Variants in KCNAB2 observed in about 807,000 individuals in gnomAD.
The protein encoded by KCNAB2 is potassium voltage-gated channel subfamily A regulatory beta subunit 2, also known as voltage-gated potassium channel subunit beta-2.
Under a neutral mutation model 63.6 loss-of-function variants are expected in KCNAB2, and 29 were observed. That is an observed-to-expected ratio of 0.46 (90% CI 0.34 to 0.62). The LOEUF is 0.62. Ranked by LOEUF, KCNAB2 falls within the 20% of genes least tolerant of loss-of-function variation. The pLI is 0.01. For missense variants in KCNAB2, 359 were observed against 563.9 expected (o/e 0.64, Z 3.68); for synonymous variants, 222 against 224.2 (o/e 0.99, Z 0.09).
chr1:6,016,334 G>A lies in KCNAB2; in HGVS notation c.-53+23546G>A, dbSNP rs900808958. On this transcript the variant is annotated intron_variant, in intron 1 of 16. Transcript: ENST00000341524. ...GCTCAGGGAGGACCTCGCTCCTGGCGGGTCCTTTCCTGGGATGCACTGACG... is the reference window on the plus strand; with the variant it reads ...GCTCAGGGAGGACCTCGCTCCTGGCAGGTCCTTTCCTGGGATGCACTGACG... 1.3e-5 allele frequency among the ~76,000 whole-genome samples: 2 copies of A among 152,186 alleles called. 1 individual carries two copies. Among genetic ancestry groups the A allele is most frequent in the South Asian group, 4.1e-4 (2 of 4,828 alleles).
intron 1 of KCNAB2, among the ~76,000 whole-genome samples, chr1:5,999,700 C>G (rs918219154): frequency 1.3e-5 from 2 of 152,066 alleles, no homozygotes; most frequent in Admixed American, 6.5e-5. Flanking sequence ...TTGCCCACGG[C>G]AGAGGAGGCC....
intron 4 of KCNAB2, among the ~76,000 whole-genome samples, chr1:6,079,077 A>T (rs1663965800): frequency 6.6e-6 from 1 of 152,112 alleles, no homozygotes; most frequent in Non-Finnish European, 1.5e-5. Context: ...TGATGGGAGG[A>T]TTAGTCAAGG....
intron 1 of KCNAB2, among the ~76,000 whole-genome samples, chr1:6,001,327 C>CACACAA (rs1657247710): frequency 1.3e-5 from 2 of 151,526 alleles, no homozygotes; most frequent in East Asian, 3.9e-4. Context: ...CACACACACA[C>CACACAA]ACACTCTCCC....
chr1:6,072,560 C>T (rs537721877), intron 2 of KCNAB2, among the ~76,000 whole-genome samples, 195 bp from the exon 3 acceptor site: 26 of 152,240 alleles, frequency 1.7e-4, no homozygotes, highest in South Asian at 8.3e-4. Flanking sequence ...TGGTGTGGGC[C>T]GGGGGCAGTT....
rs113874822 is a variant in KCNAB2, at chr1:6,024,092, C to T, written c.-52-16425C>T. Among the ~76,000 whole-genome samples, 1,692 of 152,262 alleles carry T rather than the reference C, an allele frequency of 0.011. 38 individuals are homozygous for T. The highest frequency in any genetic ancestry group is 0.038 in the African/African-American group (1,572 of 41,530). ...GAGTAGCTGGGATTACAGGCGCCCA[C>T]CACCATGTCCAGCTAATTTTTGTAT... is the stretch of plus-strand genomic sequence containing the variant. On this transcript the variant is annotated intron_variant, in intron 1 of 16. Transcript: ENST00000341524. The surrounding 1 kb of genome is among the most constrained non-coding windows in gnomAD (Gnocchi z 5.4).
chr1:6,045,288 T>C (rs989812899), upstream of KCNAB2, among the ~76,000 whole-genome samples: 5 of 152,202 alleles, frequency 3.3e-5, no homozygotes, highest in Non-Finnish European at 5.9e-5. This position sits in a 1 kb window ranked among gnomAD's most constrained non-coding sequence, Gnocchi z 4.8. Context: ...CGGAAGATGA[T>C]GTCACGCTGG....
At chr1:6,020,854 T>G (rs1239044294) in intron 1 of KCNAB2, among the ~76,000 whole-genome samples, 1 of 152,062 alleles carries the variant, frequency 6.6e-6, no homozygotes, top group Non-Finnish European at 1.5e-5. Flanking sequence ...GAGATGGGGT[T>G]TCACCATGTT....
chr1:6,007,009 G>T (rs1014075445), intron 1 of KCNAB2, among the ~76,000 whole-genome samples: 3 of 152,186 alleles, frequency 2.0e-5, no homozygotes, highest in Non-Finnish European at 4.4e-5. Context: ...AAGCCCAGCA[G>T]CGGGCCCTGG....
At chr1:6,085,085 C>G (rs978569140) in intron 5 of KCNAB2, 119 bp from the exon 6 acceptor site, 7 of 1,039,502 alleles carry the variant, frequency 6.7e-6, no homozygotes, top group Admixed American at 1.7e-5. Flanking sequence ...TGTTAACAGC[C>G]TGGCTCTCTG....
intron 2 of KCNAB2, among the ~76,000 whole-genome samples, chr1:6,061,004 T>C (rs1322205423): frequency 7.3e-5 from 11 of 151,682 alleles, no homozygotes; most frequent in Non-Finnish European, 1.0e-4. Flanking sequence ...CCCCTTCCAC[T>C]GCGAGCCTGT....
intron 1 of KCNAB2, among the ~76,000 whole-genome samples, chr1:6,009,283 A>G (rs1470053737): frequency 6.6e-6 from 1 of 152,236 alleles, no homozygotes; most frequent in East Asian, 1.9e-4. Context: ...CCATGGGGGC[A>G]TCCACCTGTG....
chr1:6,040,660 C>G, intron 2 of KCNAB2: 2 of 1,554,376 alleles, frequency 1.3e-6, no homozygotes, highest in Non-Finnish European at 1.8e-6. Context: ...CCCCCTGCCC[C>G]CTCACCCAGG....
intron 1 of KCNAB2, chr1:6,018,587 A>G (rs966109804): frequency 6.6e-6 from 1 of 152,238 alleles, no homozygotes; most frequent in Non-Finnish European, 1.5e-5. Flanking sequence ...AGCTGGGACC[A>G]CAGGTATGCA....
intron 1 of KCNAB2, among the ~76,000 whole-genome samples, chr1:6,050,200 G>A (rs1165374210): frequency 1.3e-5 from 2 of 152,322 alleles, no homozygotes; most frequent in East Asian, 3.9e-4. Flanking sequence ...CAGAAGGTGG[G>A]GACAGTGCTG....
Position 6,096,521 on chromosome 1 carries a change from A to G in KCNAB2, c.949-115A>G, listed in dbSNP as rs1665652871. 3.0e-6 allele frequency: 4 copies of G among 1,350,752 alleles called. No homozygotes were observed. Among genetic ancestry groups the G allele is most frequent in the Non-Finnish European group, 4.0e-6 (4 of 1,006,136 alleles). The allele number at this position is 1,350,752 out of a possible 1,614,324, so 83.7% of individuals were successfully genotyped here. A position where few individuals can be genotyped will look rare whatever the true frequency, so the allele number is the denominator to read the frequency against. ...ACTGCCCTGGCTTCAAGATGAGAAGAGCCCCTATGAGGGAGAAGGGTCCAG... is the reference window on the plus strand; with the variant it reads ...ACTGCCCTGGCTTCAAGATGAGAAGGGCCCCTATGAGGGAGAAGGGTCCAG... On this transcript the variant is annotated intron_variant, in intron 13 of 15. Coordinates refer to ENST00000378083, the MANE Select transcript of KCNAB2 (RefSeq NM_001199862.2). This position sits in a 1 kb window ranked among gnomAD's most constrained non-coding sequence, Gnocchi z 5.9.
intron 2 of KCNAB2, among the ~76,000 whole-genome samples, 199 bp downstream of exon 2, chr1:6,051,953 A>T (rs1163757406): frequency 6.6e-6 from 1 of 152,112 alleles, no homozygotes; most frequent in Non-Finnish European, 1.5e-5. Flanking sequence ...AATACAAAAA[A>T]TAGCCAGGCA....
chr1:6,091,164 C>T (rs765799940), intron 9 of KCNAB2, 99 bp from the exon 10 acceptor site: 35 of 826,732 alleles, frequency 4.2e-5, no homozygotes, highest in Non-Finnish European at 6.4e-5. Context: ...GTGTTCTGCA[C>T]GGTGATTTGT....
chr1:6,082,435 A>C (rs1193147222), intron 5 of KCNAB2, among the ~76,000 whole-genome samples, 161 bp downstream of exon 5: 1 of 152,080 alleles, frequency 6.6e-6, no homozygotes, highest in Non-Finnish European at 1.5e-5. Context: ...TGCTATTTTC[A>C]TGGGGCTGGA....
chr1:6,000,320 C>A (rs1657181064), intron 1 of KCNAB2, among the ~76,000 whole-genome samples: 1 of 152,204 alleles, frequency 6.6e-6, no homozygotes, highest in African/African-American at 2.4e-5. Flanking sequence ...AAACAGGATG[C>A]CCAAAACAGG....
Sources: gnomAD v4.1 joint callset for allele counts (sites outside exome capture counted in the v4.1 genomes callset) on GRCh38, gnomAD v4.1.1 for gene constraint, Gnocchi (gnomAD v3.1) non-coding constraint, MANE v1.5 for transcripts, NCBI Gene and HGNC (gene_info 2026-07-23, HGNC 2026-07-21) for gene names.